The following MORC1 variants were observed in gnomAD, a reference collection of about 807,000 sequenced individuals.
MORC1 encodes the protein MORC family CW-type zinc finger 1.
In MORC1, 59 loss-of-function variants were observed where a neutral mutation model predicts 134.9. The ratio of observed to expected loss-of-function variants is 0.44; its 90% confidence interval spans 0.35 to 0.54. The LOEUF is 0.54. Ranked by LOEUF, MORC1 falls within the 20% of genes least tolerant of loss-of-function variation. The pLI is 0.00. For missense variants in MORC1, 947 were observed against 1,134.5 expected (o/e 0.83, Z 2.37); for synonymous variants, 395 against 391.7 (o/e 1.01, Z -0.10).
At chr3:109,083,466 C>T (rs1950560231) in intron 8 of MORC1, among the ~76,000 whole-genome samples, 1 of 152,054 alleles carries the variant, frequency 6.6e-6, no homozygotes, top group Admixed American at 6.6e-5. Flanking sequence ...TCTACAGCAA[C>T]CTGTTAAGAG....
At chr3:108,977,023 A>G (rs1196832327) in intron 24 of MORC1, among the ~76,000 whole-genome samples, 2 of 152,220 alleles carry the variant, frequency 1.3e-5, no homozygotes, top group Non-Finnish European at 2.9e-5. Context: ...TCTATCTGAA[A>G]AAGAAATTTA....
At chr3:109,093,967 TAC>T (rs1950778863) in intron 7 of MORC1, among the ~76,000 whole-genome samples, 1 of 152,230 alleles carries the variant, frequency 6.6e-6, no homozygotes, top group Admixed American at 6.5e-5. Context: ...ATTGTTTTCA[TAC>T]ACTATAGCAG....
intron 21 of MORC1, among the ~76,000 whole-genome samples, chr3:108,987,707 G>C (rs1212956479): frequency 2.0e-5 from 3 of 151,892 alleles, no homozygotes; most frequent in African/African-American, 7.3e-5. Context: ...TGGGAATCCT[G>C]TTAAGATCCA....
At position 109,011,980 on chromosome 3, in the gene MORC1, T is replaced by A. The variant is rs75028681; in HGVS notation, c.1705-4889A>T. 1.5e-4 allele frequency among the ~76,000 whole-genome samples: 23 copies of A among 152,354 alleles called. No individual in the cohort carries two copies. The East Asian group carries it at 4.2e-3, about 28-fold the overall frequency. ...TTTGATGAGGTACAATTTAAAAAAT[T>A]TTCTTTTTATAGATCATGCATTATG... On this transcript the variant is annotated intron_variant, in intron 17 of 27. Transcript: ENST00000232603.
At chr3:109,109,166 A>G (rs1372549533) in intron 3 of MORC1, among the ~76,000 whole-genome samples, 1 of 152,060 alleles carries the variant, frequency 6.6e-6, no homozygotes, top group East Asian at 1.9e-4. Flanking sequence ...TAGACCACCC[A>G]TGAAAAGCTG....
intron 26 of MORC1, among the ~76,000 whole-genome samples, chr3:108,967,150 G>A (rs548998285): frequency 5.8e-4 from 88 of 152,170 alleles, no homozygotes; most frequent in Non-Finnish European, 7.9e-4. Context: ...TTTTTAATCC[G>A]ACTTGTCCTG....
rs372282797 is a variant in MORC1 at position 109,118,101 on chromosome 3, C to A, written c.-42G>T. The A allele has an allele frequency of 3.2e-6, 5 of 1,582,050 alleles. No individual in the cohort carries two copies. In the African/African-American group the frequency reaches 5.4e-5, roughly 17 times the overall value. On this transcript the variant is annotated 5_prime_UTR_variant, in exon 1 of 28. Coordinates refer to ENST00000232603, the MANE Select transcript of MORC1 (RefSeq NM_014429.4). The stretch of plus-strand genomic sequence containing the variant: ...CGCGCAACTCAAGGGGACAAGGACA[C>A]CTGACCGGCAGCCGTTCGCCTGCGC...
chr3:108,990,498 G>C (rs941809014), intron 21 of MORC1, among the ~76,000 whole-genome samples: 6 of 152,044 alleles, frequency 3.9e-5, no homozygotes, highest in African/African-American at 1.4e-4. Flanking sequence ...CCACTCAGTG[G>C]GGCCATCTGC....
intron 3 of MORC1, among the ~76,000 whole-genome samples, chr3:109,105,377 G>T (rs1951009669): frequency 6.6e-6 from 1 of 152,162 alleles, no homozygotes; most frequent in Admixed American, 6.5e-5. Context: ...ACAAAAATTA[G>T]CTGGGTGTGG....
intron 8 of MORC1, 48 bp downstream of exon 8, chr3:109,093,388 C>G: frequency 6.9e-7 from 1 of 1,452,076 alleles, no homozygotes; most frequent in African/African-American, 1.4e-5. Flanking sequence ...GCTCCTAACT[C>G]TAGCTCACCA....
At chr3:109,047,313 G>T (rs969044937) in intron 14 of MORC1, among the ~76,000 whole-genome samples, 15 of 152,070 alleles carry the variant, frequency 9.9e-5, no homozygotes, top group Non-Finnish European at 1.9e-4. Flanking sequence ...CAAACTATAA[G>T]AATCAAATTT....
chr3:108,985,361 T>C (rs1320765265), intron 22 of MORC1, among the ~76,000 whole-genome samples: 1 of 152,204 alleles, frequency 6.6e-6, no homozygotes, highest in Admixed American at 6.5e-5. Context: ...AAGAGTGTCT[T>C]GGGGACAGTA....
intron 8 of MORC1, among the ~76,000 whole-genome samples, chr3:109,087,293 T>A (rs915606816): frequency 1.3e-5 from 2 of 152,054 alleles, no homozygotes; most frequent in Non-Finnish European, 2.9e-5. Context: ...ACTACGTGTG[T>A]TTGCAAACGA....
intron 23 of MORC1, 99 bp from the exon 24 acceptor site, chr3:108,979,766 G>T: frequency 1.4e-6 from 2 of 1,417,722 alleles, no homozygotes; most frequent in South Asian, 1.4e-5. Context: ...TACAACAAAT[G>T]AGAACAAGAA....
intron 2 of MORC1, among the ~76,000 whole-genome samples, chr3:109,113,881 T>C (rs1951220755): frequency 6.6e-6 from 1 of 152,236 alleles, no homozygotes. Flanking sequence ...AATCTCTCTA[T>C]GCATCAATTT....
At chr3:108,998,003 A>G (rs1948284440) in intron 21 of MORC1, among the ~76,000 whole-genome samples, 1 of 152,250 alleles carries the variant, frequency 6.6e-6, no homozygotes, top group African/African-American at 2.4e-5. Flanking sequence ...AGGTAGGCAT[A>G]GGGCAAAGGT....
chr3:109,014,020 T>G (rs2107558983), intron 17 of MORC1, among the ~76,000 whole-genome samples: 1 of 152,336 alleles, frequency 6.6e-6, no homozygotes, highest in Admixed American at 6.5e-5. Flanking sequence ...TTTCTTTTCT[T>G]TATAAATTAC....
intron 8 of MORC1, among the ~76,000 whole-genome samples, chr3:109,086,686 T>C (rs1040900574): frequency 1.3e-5 from 2 of 152,018 alleles, no homozygotes; most frequent in Admixed American, 1.3e-4. Flanking sequence ...AGTGAAAAAT[T>C]AAAATCAACC....
intron 4 of MORC1, among the ~76,000 whole-genome samples, chr3:109,101,764 A>G (rs1392862528): frequency 2.6e-5 from 4 of 152,232 alleles, no homozygotes; most frequent in Non-Finnish European, 5.9e-5. Context: ...CAAGAAAGGT[A>G]TTATTACTAT....
Sources: gnomAD v4.1 joint callset for allele counts (sites outside exome capture counted in the v4.1 genomes callset) on GRCh38, gnomAD v4.1.1 for gene constraint, MANE v1.5 for transcripts, NCBI Gene and HGNC (gene_info 2026-07-23, HGNC 2026-07-21) for gene names.